Variants in SHTN1 observed in about 807,000 individuals in gnomAD.
SHTN1 encodes the protein shootin 1, also known as shootin-1.
In SHTN1, 42 loss-of-function variants were observed where a neutral mutation model predicts 83.1. The observed-to-expected ratio is 0.51, with a 90% CI of 0.39 to 0.65. The LOEUF is 0.65. SHTN1 is among the 30% of genes least tolerant of loss of function. The pLI is 0.00. For synonymous variants in SHTN1, 224 were observed against 247.7 expected (o/e 0.90, Z 0.90); for missense variants, 622 against 737.8 (o/e 0.84, Z 1.82).
intron 1 of SHTN1, among the ~76,000 whole-genome samples, chr10:116,980,052 G>A (rs971175717): frequency 3.3e-5 from 5 of 149,742 alleles, no homozygotes; most frequent in African/African-American, 1.2e-4. Flanking sequence ...ACTTAAAATC[G>A]TTTATTGCCC....
chr10:116,995,599 T>C (rs1353253390), intron 1 of SHTN1, among the ~76,000 whole-genome samples: 1 of 152,196 alleles, frequency 6.6e-6, no homozygotes, highest in African/African-American at 2.4e-5. Flanking sequence ...ATGAGTATTC[T>C]TATTTTTAGG....
Position 116,940,807 on chromosome 10 carries a change from C to T in SHTN1, c.712-195G>A, listed in dbSNP as rs571071860. ...TAATCTTTAATACCTTTACTCCTGC[C>T]CCAACAAGATATTTATACAATAAGC... On this transcript the variant is annotated intron_variant, in intron 8 of 16. Coordinates refer to ENST00000355371, the MANE Select transcript of SHTN1 (RefSeq NM_001127211.3). Among the ~76,000 whole-genome samples, 15 of 152,052 alleles carry T rather than the reference C, an allele frequency of 9.9e-5. No individual in the cohort carries two copies. The South Asian group carries it at 2.9e-3, about 29-fold the overall frequency.
chr10:116,899,371 A>T (rs1847638205), intron 16 of SHTN1, among the ~76,000 whole-genome samples: 1 of 152,136 alleles, frequency 6.6e-6, no homozygotes, highest in Non-Finnish European at 1.5e-5. Flanking sequence ...TGAGCAACAC[A>T]TCCATGGAGG....
intron 1 of SHTN1, among the ~76,000 whole-genome samples, chr10:116,992,478 T>A (rs916087433): frequency 6.6e-6 from 1 of 152,190 alleles, no homozygotes; most frequent in East Asian, 1.9e-4. Context: ...CTGTTCAACA[T>A]CAGGACATTG....
chr10:116,975,458 G>A (rs1850767949), intron 2 of SHTN1, among the ~76,000 whole-genome samples: 1 of 152,102 alleles, frequency 6.6e-6, no homozygotes, highest in South Asian at 2.1e-4. Flanking sequence ...TCACAGAGCA[G>A]CATAATTGAT....
intron 12 of SHTN1, 104 bp downstream of exon 12, chr10:116,921,330 T>C (rs1377809604): frequency 1.3e-6 from 1 of 757,764 alleles, no homozygotes; most frequent in Admixed American, 2.4e-5. Context: ...TGCTTCATAC[T>C]ACTCTCCCAA....
At chr10:117,057,927 G>A (rs1852848459) in intron 1 of SHTN1, among the ~76,000 whole-genome samples, 1 of 152,094 alleles carries the variant, frequency 6.6e-6, no homozygotes, top group South Asian at 2.1e-4. Context: ...TATTCAATAG[G>A]GAAAGGACAG....
At chr10:117,020,524 A>G (rs1328276258) in intron 2 of SHTN1, among the ~76,000 whole-genome samples, 1 of 151,436 alleles carries the variant, frequency 6.6e-6, no homozygotes, top group Non-Finnish European at 1.5e-5. Context: ...ACCCACACTT[A>G]TAAAGTCATC....
chr10:117,065,449 G>A (rs1276261328), intron 1 of SHTN1, among the ~76,000 whole-genome samples: 2 of 151,816 alleles, frequency 1.3e-5, no homozygotes, highest in Admixed American at 6.6e-5. Context: ...CATTTTGAGA[G>A]GCCGAGGCCT....
chr10:116,927,973 CT>C, intron 10 of SHTN1, 82 bp from the exon 11 acceptor site: 8 of 1,493,304 alleles, frequency 5.4e-6, no homozygotes, highest in Non-Finnish European at 7.3e-6. Context: ...AGAACATAAC[CT>C]TTCTCAAAAG....
chr10:117,108,480 T>C lies in SHTN1; in HGVS notation c.-189+17827A>G, dbSNP rs561555718. 4.0e-3 allele frequency among the ~76,000 whole-genome samples: 581 copies of C among 146,034 alleles called. 4 individuals are homozygous for C. The highest frequency in any genetic ancestry group is 0.014 in the African/African-American group (549 of 39,310). ...GGACAAAAAACCAAACACCGCATGTTCTCACTCATAGGTGGGAATTGAACA... is the reference window on the plus strand; with the variant it reads ...GGACAAAAAACCAAACACCGCATGTCCTCACTCATAGGTGGGAATTGAACA... On this transcript the variant is annotated intron_variant, in intron 1 of 17. Transcript: ENST00000392901.
chr10:117,049,150 A>AGGGACAGACAGAGATGT (rs1301602631), intron 1 of SHTN1, among the ~76,000 whole-genome samples: 1 of 152,204 alleles, frequency 6.6e-6, no homozygotes, highest in African/African-American at 2.4e-5. Flanking sequence ...ATCAATGGAA[A>AGGGACAGACAGAGATGT]GGGACAGACA....
chr10:116,937,635 G>A (rs1007571983), intron 9 of SHTN1, among the ~76,000 whole-genome samples: 6 of 152,196 alleles, frequency 3.9e-5, no homozygotes, highest in Admixed American at 6.5e-5. Flanking sequence ...TGATGATTAT[G>A]TGTCTTGGGG....
At chr10:116,892,173 C>T (rs1847359908) in intron 16 of SHTN1, among the ~76,000 whole-genome samples, 1 of 152,144 alleles carries the variant, frequency 6.6e-6, no homozygotes, top group African/African-American at 2.4e-5. Flanking sequence ...GCTTACCTCC[C>T]GGACCACAAT....
intron 1 of SHTN1, among the ~76,000 whole-genome samples, chr10:117,052,366 A>G (rs1216693395): frequency 6.6e-6 from 1 of 152,176 alleles, no homozygotes; most frequent in Non-Finnish European, 1.5e-5. Context: ...AGCTATCTAT[A>G]TATTCAATGC....
At chr10:116,935,581 G>A (rs1238528964) in intron 9 of SHTN1, among the ~76,000 whole-genome samples, 1 of 152,006 alleles carries the variant, frequency 6.6e-6, no homozygotes, top group African/African-American at 2.4e-5. Flanking sequence ...ATTTTATTGG[G>A]GATTTTCACA....
intron 1 of SHTN1, among the ~76,000 whole-genome samples, chr10:117,084,809 T>G (rs1229405066): frequency 6.6e-6 from 1 of 152,188 alleles, no homozygotes; most frequent in Non-Finnish European, 1.5e-5. Context: ...CCAGGTGCCG[T>G]CCGTCACCCC....
intron 16 of SHTN1, chr10:116,901,094 C>T (rs993607867): frequency 1.0e-6 from 1 of 985,312 alleles, no homozygotes. Context: ...TCTTCCTTTT[C>T]TTTAAGTGAC....
At chr10:117,078,404 G>A (rs1275049482) in intron 1 of SHTN1, among the ~76,000 whole-genome samples, 1 of 152,078 alleles carries the variant, frequency 6.6e-6, no homozygotes, top group Non-Finnish European at 1.5e-5. Context: ...TGTGGCCACC[G>A]CTGGTGACTA....
Sources: allele counts gnomAD v4.1 joint callset (sites outside exome capture counted in the v4.1 genomes callset), GRCh38; gene constraint gnomAD v4.1.1; transcripts MANE v1.5; gene names NCBI Gene and HGNC (gene_info 2026-07-23, HGNC 2026-07-21).